The following TYW1 variants were observed in gnomAD, a reference collection of about 807,000 sequenced individuals.
TYW1 encodes S-adenosyl-L-methionine-dependent tRNA 4-demethylwyosine synthase TYW1.
A neutral mutation model predicts 96.2 loss-of-function variants in TYW1; 46 were observed. The observed-to-expected ratio is 0.48, with a 90% CI of 0.38 to 0.61. The LOEUF (loss-of-function observed/expected upper bound fraction) is 0.61, where lower values mean the gene tolerates loss of function less well. Ranked by LOEUF, TYW1 falls within the 20% of genes least tolerant of loss-of-function variation. TYW1 has a pLI of 0.00. For missense variants in TYW1, 684 were observed against 909.6 expected, an observed-to-expected ratio of 0.75 and a Z score of 3.19; for synonymous variants, 274 against 323.0, an observed-to-expected ratio of 0.85 and a Z score of 1.63.
chr7:67,084,429 G>A lies in TYW1; in HGVS notation c.1384+890G>A, dbSNP rs1309024779. On this transcript the variant is annotated intron_variant, in intron 11 of 15. Coordinates refer to ENST00000359626, the MANE Select transcript of TYW1 (RefSeq NM_018264.4). ...TGGTTCTCAAACTTTATCATGCATCGGAATCATCTGGAGAGCTTGTTAAAA... is the reference window on the plus strand; with the variant it reads ...TGGTTCTCAAACTTTATCATGCATCAGAATCATCTGGAGAGCTTGTTAAAA... Among the ~76,000 whole-genome samples, 11 of 152,196 alleles carry A rather than the reference G, an allele frequency of 7.2e-5. No homozygotes were observed. In the East Asian group the frequency reaches 1.2e-3, roughly 16 times the overall value.
intron 13 of TYW1, among the ~76,000 whole-genome samples, chr7:67,125,589 G>T (rs1584592661): frequency 6.6e-6 from 1 of 152,126 alleles, no homozygotes; most frequent in African/African-American, 2.4e-5. Flanking sequence ...GCCATGGTCT[G>T]TATTTTACAT....
intron 13 of TYW1, among the ~76,000 whole-genome samples, chr7:67,173,419 C>T (rs1353677657): frequency 1.3e-5 from 2 of 152,110 alleles, no homozygotes; most frequent in Non-Finnish European, 2.9e-5. Context: ...ATGGTAGTTA[C>T]AACTAAAGGC....
At chr7:67,193,919 C>T (rs1800306423) in intron 14 of TYW1, among the ~76,000 whole-genome samples, 1 of 151,862 alleles carries the variant, frequency 6.6e-6, no homozygotes, top group Admixed American at 6.6e-5. Flanking sequence ...CCACTCCCTC[C>T]AAGTTATTCC....
At chr7:67,098,801 A>G (rs1797001785) in intron 12 of TYW1, 83 bp downstream of exon 12, 1 of 1,400,158 alleles carries the variant, frequency 7.1e-7, no homozygotes, top group South Asian at 1.5e-5. Flanking sequence ...AATGCAATCA[A>G]ATAGGATTTA....
chr7:67,226,111 C>T (rs1801553595), intron 15 of TYW1, among the ~76,000 whole-genome samples: 1 of 152,166 alleles, frequency 6.6e-6, no homozygotes, highest in South Asian at 2.1e-4. Flanking sequence ...TGAAAGAGAT[C>T]TCACCTAACC....
At chr7:67,092,895 G>C (rs553215925) in intron 11 of TYW1, among the ~76,000 whole-genome samples, 64 of 151,860 alleles carry the variant, frequency 4.2e-4, no homozygotes, top group Non-Finnish European at 6.9e-4. Context: ...ATGTTGTTCA[G>C]GCTGGTCTCG....
At chr7:67,001,619 A>G (rs1450035222) in intron 3 of TYW1, among the ~76,000 whole-genome samples, 7 of 151,520 alleles carry the variant, frequency 4.6e-5, no homozygotes, top group Non-Finnish European at 1.0e-4. Flanking sequence ...ATGGGGTTTC[A>G]CCACGGTGGT....
chr7:67,139,080 G>C (rs1453097830), intron 13 of TYW1, among the ~76,000 whole-genome samples: 6 of 152,070 alleles, frequency 3.9e-5, no homozygotes, highest in Non-Finnish European at 5.9e-5. Context: ...TTGAGACGGA[G>C]TCTTGCTCTG....
At chr7:67,149,987 T>G (rs1203231757) in intron 13 of TYW1, among the ~76,000 whole-genome samples, 2 of 151,882 alleles carry the variant, frequency 1.3e-5, no homozygotes, top group Non-Finnish European at 2.9e-5. Context: ...TTCCCTTCTT[T>G]TCTTCTCCTG....
At chr7:67,184,998 C>T (rs1232323341) in intron 14 of TYW1, among the ~76,000 whole-genome samples, 5 of 151,884 alleles carry the variant, frequency 3.3e-5, no homozygotes, top group East Asian at 1.9e-4. Context: ...TTAGAACTAC[C>T]GCGCCAGGCC....
rs541627472 is a variant in TYW1 at position 67,169,140 on chromosome 7, T to A, written c.1699-13986T>A. On this transcript the variant is annotated intron_variant, in intron 13 of 15. Transcript: ENST00000359626. Reference sequence around the variant, plus strand: ...TCTGTTCTTTTATTTCCTTTTTTCTTATATTTATATTATTGTTTACTTTTT... The same window carrying A: ...TCTGTTCTTTTATTTCCTTTTTTCTAATATTTATATTATTGTTTACTTTTT... 2.6e-4 allele frequency among the ~76,000 whole-genome samples: 39 copies of A among 152,316 alleles called. 1 individual carries two copies. Among genetic ancestry groups the A allele is most frequent in the African/African-American group, 9.1e-4 (38 of 41,590 alleles).
At chr7:67,049,837 GTGCCCGGCCTCATAA>G in intron 7 of TYW1, 97 bp from the exon 8 acceptor site, 1 of 1,342,736 alleles carries the variant, frequency 7.4e-7, no homozygotes. Flanking sequence ...GTGAGCCACC[GTGCCCGGCCTCATAA>G]TGGACCTTTT....
chr7:67,007,676 A>C (rs1282271681), intron 3 of TYW1, among the ~76,000 whole-genome samples: 1 of 151,998 alleles, frequency 6.6e-6, no homozygotes, highest in African/African-American at 2.4e-5. Flanking sequence ...TCTGTCGTCC[A>C]GGCTGGAGTG....
intron 7 of TYW1, among the ~76,000 whole-genome samples, 179 bp downstream of exon 7, chr7:67,025,201 C>A: frequency 6.6e-6 from 1 of 152,002 alleles, no homozygotes; most frequent in Non-Finnish European, 1.5e-5. Flanking sequence ...TCTCCCTTCT[C>A]AGGCCTGTGA....
chr7:67,067,607 A>G (rs1220263209), intron 10 of TYW1, among the ~76,000 whole-genome samples: 1 of 152,222 alleles, frequency 6.6e-6, no homozygotes, highest in Non-Finnish European at 1.5e-5. Context: ...CTGGATTTGT[A>G]AACATCCATT....
In TYW1 at chr7:67,184,648, T is replaced by TG. The variant is rs758818440; in HGVS notation, c.1809+1412_1809+1413insG. ...TTTTATTTTATTTTATTTTATTTTA[T>TG]TTATGTTATGTTATGTTATGTTATG... On this transcript the variant is annotated intron_variant, in intron 14 of 15. Coordinates refer to ENST00000359626, the MANE Select transcript of TYW1 (RefSeq NM_018264.4). Among the ~76,000 whole-genome samples, 302 of 44,220 alleles carry TG rather than the reference T, an allele frequency of 6.8e-3. 1 individual carries two copies. The highest frequency in any genetic ancestry group is 9.6e-3 in the Non-Finnish European group (221 of 23,026). 29.0% of individuals were successfully genotyped at this position (44,220 alleles called of 152,430 possible).
intron 13 of TYW1, among the ~76,000 whole-genome samples, chr7:67,130,939 G>C (rs1798053397): frequency 6.6e-6 from 1 of 152,124 alleles, no homozygotes; most frequent in Non-Finnish European, 1.5e-5. Flanking sequence ...AAGTCCCCTA[G>C]GGAAGGCAAG....
At chr7:67,156,316 G>A (rs1164639291) in intron 13 of TYW1, among the ~76,000 whole-genome samples, 1 of 152,244 alleles carries the variant, frequency 6.6e-6, no homozygotes, top group Admixed American at 6.5e-5. Flanking sequence ...CACGCAGGTG[G>A]TGACAGTGGG....
At chr7:67,231,454 CAACTTCTAGG>C (rs1356208664) in intron 15 of TYW1, among the ~76,000 whole-genome samples, 2 of 152,194 alleles carry the variant, frequency 1.3e-5, no homozygotes, top group Non-Finnish European at 2.9e-5. Flanking sequence ...ACAGGAAACA[CAACTTCTAGG>C]AGATTCCTAA....
Sources: allele counts gnomAD v4.1 joint callset (sites outside exome capture counted in the v4.1 genomes callset), GRCh38; gene constraint gnomAD v4.1.1; transcripts MANE v1.5; gene names NCBI Gene and HGNC (gene_info 2026-07-23, HGNC 2026-07-21).